Variants in CMIP observed in about 807,000 individuals in gnomAD.
CMIP encodes the protein C-Maf-inducing protein.
CMIP carries 13 observed loss-of-function variants against 97.3 expected under a neutral mutation model. The ratio of observed to expected loss-of-function variants is 0.13; its 90% CI spans 0.09 to 0.21. The LOEUF (loss-of-function observed/expected upper bound fraction) is 0.21, where lower values mean the gene tolerates loss of function less well. CMIP is among the 10% of genes least tolerant of loss of function. CMIP has a pLI of 1.00. For missense variants in CMIP, 847 were observed against 1,024.9 expected, an observed-to-expected ratio of 0.83 and a Z score of 2.37; for synonymous variants, 538 against 436.3, an observed-to-expected ratio of 1.23 and a Z score of -2.91.
chr16:81,585,077 C>G (rs983213355), intron 1 of CMIP, among the ~76,000 whole-genome samples: 2 of 152,102 alleles, frequency 1.3e-5, no homozygotes, highest in African/African-American at 4.8e-5. Context: ...CATGGTGGCT[C>G]ACGCCTGTAA....
chr16:81,559,242 A>G (rs1231594010), intron 1 of CMIP, among the ~76,000 whole-genome samples: 1 of 152,210 alleles, frequency 6.6e-6, no homozygotes, highest in Non-Finnish European at 1.5e-5. Flanking sequence ...AACATGGCCT[A>G]GGTGGGCTTG....
chr16:81,574,409 G>A (rs2091153261), intron 1 of CMIP, among the ~76,000 whole-genome samples: 2 of 152,264 alleles, frequency 1.3e-5, no homozygotes, highest in African/African-American at 4.8e-5. Context: ...GGCTTGGCAA[G>A]TGGCACTGTT....
chr16:81,697,999 G>GC, intron 14 of CMIP: 1 of 59,376 alleles, frequency 1.7e-5, no homozygotes, highest in East Asian at 3.7e-4. Flanking sequence ...GCGCCCCCCC[G>GC]CCCCCGCCCC....
At chr16:81,659,124 A>C (rs1049166545) in intron 5 of CMIP, among the ~76,000 whole-genome samples, 2 of 152,348 alleles carry the variant, frequency 1.3e-5, no homozygotes, top group East Asian at 3.9e-4. Context: ...CAGGAGGACA[A>C]GTCAACCTGG....
rs545065656 is a variant in CMIP at position 81,588,627 on chromosome 16, T to C, written c.301-18940T>C. The stretch of plus-strand genomic sequence containing the variant: ...AACCCAACATCCTCGTTCTCTGTTA[T>C]CTGCTTGGTTTGCTTTTCACCTACG... On this transcript the variant is annotated intron_variant, in intron 1 of 20. Transcript: ENST00000537098. 5.9e-5 allele frequency among the ~76,000 whole-genome samples: 9 copies of C among 152,304 alleles called. No homozygotes were observed. The East Asian group carries it at 1.7e-3, about 29-fold the overall frequency.
intron 3 of CMIP, among the ~76,000 whole-genome samples, chr16:81,641,034 G>A (rs2092300791): frequency 6.6e-6 from 1 of 152,012 alleles, no homozygotes; most frequent in African/African-American, 2.4e-5. Flanking sequence ...TGAGGCTTGT[G>A]GGTGAGAACC....
At chr16:81,498,315 CTCCTT>C (rs1371970891) in intron 1 of CMIP, among the ~76,000 whole-genome samples, 1 of 152,230 alleles carries the variant, frequency 6.6e-6, no homozygotes, top group East Asian at 1.9e-4. Context: ...GGCACATTCT[CTCCTT>C]CCTTCCTTTC....
intron 10 of CMIP, among the ~76,000 whole-genome samples, chr16:81,681,186 C>T (rs1279960265): frequency 6.6e-6 from 1 of 152,236 alleles, no homozygotes; most frequent in Non-Finnish European, 1.5e-5. Context: ...CTGGCAGCCT[C>T]TTCCATCTTC....
At chr16:81,580,300 T>G (rs181888050) in intron 1 of CMIP, among the ~76,000 whole-genome samples, 1 of 152,346 alleles carries the variant, frequency 6.6e-6, no homozygotes, top group Admixed American at 6.5e-5. Flanking sequence ...TGGAGCCTGT[T>G]TGTGACATGG....
At chr16:81,622,456 AC>A (rs2092005138) in intron 3 of CMIP, among the ~76,000 whole-genome samples, 1 of 151,908 alleles carries the variant, frequency 6.6e-6, no homozygotes, top group Non-Finnish European at 1.5e-5. Flanking sequence ...CCTACTGGGG[AC>A]CGTCTGGGGG....
At chr16:81,670,052 G>A (rs1294388153) in intron 7 of CMIP, 90 bp from the exon 8 acceptor site, 9 of 1,245,482 alleles carry the variant, frequency 7.2e-6, no homozygotes, top group South Asian at 1.4e-5. Context: ...GGCAGAGCTC[G>A]GTCCCGCCCT....
At chr16:81,551,358 C>T (rs2150856974) in intron 1 of CMIP, among the ~76,000 whole-genome samples, 1 of 152,374 alleles carries the variant, frequency 6.6e-6, no homozygotes, top group South Asian at 2.1e-4. Flanking sequence ...TGATTAGTCA[C>T]TTCTAGCTAA....
intron 8 of CMIP, 52 bp downstream of exon 8, chr16:81,670,297 G>A (rs9921880): frequency 4.7e-5 from 72 of 1,547,564 alleles, no homozygotes; most frequent in Admixed American, 2.3e-4. Flanking sequence ...CTTTCCTCTC[G>A]GATCCTGTTT....
chr16:81,666,743 C>T (rs1204383753), intron 7 of CMIP: 1 of 152,222 alleles, frequency 6.6e-6, no homozygotes, highest in Admixed American at 6.5e-5. Flanking sequence ...CAGAGGAGAA[C>T]TGCTGGGAGG....
intron 3 of CMIP, among the ~76,000 whole-genome samples, chr16:81,647,301 T>C (rs1771704031): frequency 1.3e-5 from 2 of 152,356 alleles, no homozygotes; most frequent in East Asian, 1.9e-4. Context: ...AAGGGCCAGA[T>C]AGCAAATATT....
At chr16:81,669,651 A>ATTCACCT (rs2092660845) in intron 7 of CMIP, among the ~76,000 whole-genome samples, 1 of 76,160 alleles carries the variant, frequency 1.3e-5, no homozygotes. Flanking sequence ...CCCACCTCAC[A>ATTCACCT]CCTTCCACAC....
rs1484405628 is a variant in CMIP at position 81,678,426 on chromosome 16, G to A, written c.1186G>A (p.Val396Ile). The change falls in exon 10 of 21, where the codon GTC (valine) becomes ATC (isoleucine). Residue 396 changes from valine to isoleucine, a missense_variant. Val to Ile is a conservative substitution (Grantham distance 29). This residue lies in a region of CMIP where 202 missense variants were observed against 168.7 expected (regional missense o/e 1.20). Coordinates refer to ENST00000537098, the MANE Select transcript of CMIP (RefSeq NM_198390.3). The part of the protein sequence containing the change: ...TLSEARLKSV[V>I]VASSEIHVEV... ...GTCTGAGGCCCGGCTCAAGTCGGTG[G>A]TCGTGGCCTCCAGTGAGATCCACGT... 7 of 1,593,398 alleles carry A rather than the reference G, an allele frequency of 4.4e-6. No homozygotes were observed. Among genetic ancestry groups the A allele is most frequent in the Non-Finnish European group, 6.0e-6 (7 of 1,170,866 alleles).
rs781337251 is a variant in CMIP, at chr16:81,699,834, G to C, written c.1755+33G>C. On this transcript the variant is annotated intron_variant, in intron 15 of 20. Coordinates refer to ENST00000537098, the MANE Select transcript of CMIP (RefSeq NM_198390.3). ...GCTGGTCGGGGTCCCTGGTGGGGTG[G>C]CTGGCTCCCCGTCCCTTGTCCGTGC... 9 of 1,441,436 alleles carry C rather than the reference G, an allele frequency of 6.2e-6. No individual in the cohort carries two copies. The Admixed American group carries it at 1.3e-4, about 20-fold the overall frequency. The allele number at this position is 1,441,436 out of a possible 1,614,324, so 89.3% of individuals were successfully genotyped here. A position where few individuals can be genotyped will look rare whatever the true frequency, so the allele number is the denominator to read the frequency against.
intron 1 of CMIP, among the ~76,000 whole-genome samples, chr16:81,571,908 A>C (rs548797005): frequency 6.6e-6 from 1 of 152,076 alleles, no homozygotes; most frequent in African/African-American, 2.4e-5. Context: ...GTTCATCCCA[A>C]CTCTCTTCCA....
Sources: allele counts gnomAD v4.1 joint callset (sites outside exome capture counted in the v4.1 genomes callset), GRCh38; gene constraint gnomAD v4.1.1; regional missense constraint gnomAD v4.1.1; transcripts MANE v1.5; gene names NCBI Gene and HGNC (gene_info 2026-07-23, HGNC 2026-07-21).